Variants in HRH1 observed in about 807,000 individuals in gnomAD.
The protein encoded by HRH1 is histamine receptor H1.
HRH1 carries 6 observed loss-of-function variants against 10.3 expected under a neutral mutation model. The ratio of observed to expected loss-of-function variants is 0.58; its 90% confidence interval spans 0.32 to 1.15. The LOEUF (loss-of-function observed/expected upper bound fraction) is 1.15, where lower values mean the gene tolerates loss of function less well. HRH1 is among the 50% of genes most tolerant of loss of function. HRH1 has a pLI of 0.05. For synonymous variants in HRH1, 242 were observed against 236.7 expected, an observed-to-expected ratio of 1.02 and a Z score of -0.21; for missense variants, 514 against 615.3, an observed-to-expected ratio of 0.84 and a Z score of 1.74.
chr3:11,153,808 T>G (rs1936708407), upstream of HRH1, among the ~76,000 whole-genome samples: 1 of 152,018 alleles, frequency 6.6e-6, no homozygotes, highest in South Asian at 2.1e-4. Flanking sequence ...GGTTGCTAAT[T>G]AAAACACATC....
chr3:11,247,596 A>T lies in HRH1; in HGVS notation c.-35-11407A>T, dbSNP rs1939523461. Among the ~76,000 whole-genome samples, 4 of 152,188 alleles carry T rather than the reference A, an allele frequency of 2.6e-5. No homozygotes were observed. The South Asian group carries it at 8.3e-4, about 31-fold the overall frequency. ...TTGTCTGGACGTGGCAAAGGCGGGA[A>T]GGTTGTTTACCGAACAGGTAGCTAG... is the stretch of plus-strand genomic sequence containing the variant. On this transcript the variant is annotated intron_variant, in intron 1 of 1. Transcript: ENST00000431010.
Position 11,260,323 on chromosome 3 carries a change from T to C in HRH1, c.1286T>C (p.Ile429Thr), listed in dbSNP as rs980381714. Residue 429 changes from isoleucine to threonine, a missense_variant, in exon 2 of 2, where the codon ATC (isoleucine) becomes ACC (threonine). Physicochemically the swap from Ile to Thr is moderately conservative, Grantham distance 89 (BLOSUM62 -1). Coordinates refer to ENST00000431010, the MANE Select transcript of HRH1 (RefSeq NM_001098212.2). ...FIMAAFILCW[I>T]PYFIFFMVIA... ...ATGGCAGCCTTCATCCTCTGCTGGA[T>C]CCCTTATTTCATCTTCTTCATGGTC... is the stretch of plus-strand genomic sequence containing the variant. The C allele has an allele frequency of 1.2e-6, 2 of 1,614,042 alleles. No individual in the cohort carries two copies. The highest frequency in any genetic ancestry group is 2.7e-5 in the African/African-American group (2 of 74,932).
rs1290309423 is a variant in HRH1 at position 11,262,127 on chromosome 3, G to A, written c.*1626G>A. ...ACATGTAGTTTTACTTGGTGTTTAT[G>A]TTGCAATCTGGTTGTGATTTATATT... On this transcript the variant is annotated 3_prime_UTR_variant, in exon 2 of 2. Transcript: ENST00000431010. 2 of 167,102 alleles carry A rather than the reference G, an allele frequency of 1.2e-5. No individual in the cohort carries two copies. Among genetic ancestry groups the A allele is most frequent in the Non-Finnish European group, 2.9e-5 (2 of 68,126 alleles). The allele number at this position is 167,102 out of a possible 1,614,324, so 10.4% of individuals were successfully genotyped here.
At chr3:11,195,407 A>G (rs1937622711) in intron 1 of HRH1, among the ~76,000 whole-genome samples, 1 of 152,328 alleles carries the variant, frequency 6.6e-6, no homozygotes, top group South Asian at 2.1e-4. Flanking sequence ...TTGAAAGCCA[A>G]CTGTGCTTCC....
intron 1 of HRH1, among the ~76,000 whole-genome samples, chr3:11,228,933 A>T (rs866392497): frequency 1.3e-5 from 2 of 151,338 alleles, no homozygotes; most frequent in African/African-American, 4.9e-5. Flanking sequence ...AAAAAAGAAT[A>T]TAGTGGTAAA....
At chr3:11,227,230 C>G (rs1938912040) in intron 1 of HRH1, among the ~76,000 whole-genome samples, 1 of 151,766 alleles carries the variant, frequency 6.6e-6, no homozygotes. Context: ...TAGGTCTGAG[C>G]ATGGAACCGT....
At chr3:11,142,003 C>T (rs1936300961) in intron 1 of HRH1, among the ~76,000 whole-genome samples, 1 of 152,214 alleles carries the variant, frequency 6.6e-6, no homozygotes, top group Admixed American at 6.5e-5. Context: ...TTCAACAAGC[C>T]TTGTCTGAGC....
At chr3:11,197,721 C>T (rs1937718567) in intron 1 of HRH1, among the ~76,000 whole-genome samples, 1 of 152,184 alleles carries the variant, frequency 6.6e-6, no homozygotes. Flanking sequence ...AAAAGTATTA[C>T]AGTAAATGAT....
chr3:11,232,128 C>T (rs1939059464), intron 1 of HRH1, among the ~76,000 whole-genome samples: 2 of 151,940 alleles, frequency 1.3e-5, no homozygotes, highest in Admixed American at 6.6e-5. Context: ...GCTGGGAATA[C>T]AGGTGCGTGC....
intron 1 of HRH1, among the ~76,000 whole-genome samples, chr3:11,214,104 AC>A (rs574117249): frequency 4.9e-4 from 75 of 152,186 alleles, no homozygotes; most frequent in African/African-American, 1.7e-3. Flanking sequence ...ATGTTCAGGG[AC>A]AGGTCAGATA....
At chr3:11,234,430 C>T in intron 1 of HRH1, 7 of 1,604,468 alleles carry the variant, frequency 4.4e-6, no homozygotes, top group Non-Finnish European at 6.0e-6. Context: ...CACAGTCTGA[C>T]CCCTTGATCT....
chr3:11,247,222 C>T (rs1380916052), intron 1 of HRH1, among the ~76,000 whole-genome samples: 15 of 151,824 alleles, frequency 9.9e-5, no homozygotes, highest in African/African-American at 3.4e-4. Context: ...CTTGGGAGGC[C>T]GAGGCAGGAG....
At chr3:11,160,681 A>T (rs1408438937) in intron 1 of HRH1, among the ~76,000 whole-genome samples, 1 of 152,128 alleles carries the variant, frequency 6.6e-6, no homozygotes, top group Admixed American at 6.5e-5. Flanking sequence ...CCACCAAATC[A>T]CACTCAACTC....
intron 1 of HRH1, among the ~76,000 whole-genome samples, chr3:11,213,516 A>G (rs1445170843): frequency 1.3e-5 from 2 of 152,242 alleles, no homozygotes; most frequent in African/African-American, 4.8e-5. Flanking sequence ...AGAAAGTCCA[A>G]GATCAAGGTG....
intron 1 of HRH1, among the ~76,000 whole-genome samples, chr3:11,196,956 A>G (rs1937679705): frequency 1.2e-5 from 1 of 83,308 alleles, no homozygotes; most frequent in Non-Finnish European, 3.0e-5. Context: ...AAAAATACAA[A>G]AAAAAAAAAA....
chr3:11,250,582 T>G (rs571535878), intron 1 of HRH1, among the ~76,000 whole-genome samples: 113 of 152,088 alleles, frequency 7.4e-4, no homozygotes, highest in Middle Eastern at 3.4e-3. Context: ...ATGGGTGGAG[T>G]TTGTGCTAGG....
intron 1 of HRH1, among the ~76,000 whole-genome samples, chr3:11,168,522 A>G (rs1937091205): frequency 6.6e-6 from 1 of 152,226 alleles, no homozygotes; most frequent in Non-Finnish European, 1.5e-5. Flanking sequence ...AGGACTGAGC[A>G]TAAGGGACAT....
At chr3:11,186,107 C>T (rs971559187) in intron 1 of HRH1, among the ~76,000 whole-genome samples, 1 of 152,110 alleles carries the variant, frequency 6.6e-6, no homozygotes, top group African/African-American at 2.4e-5. Context: ...CAAGCAAGAT[C>T]GAGCCCTGTT....
intron 1 of HRH1, among the ~76,000 whole-genome samples, chr3:11,160,446 G>A (rs1039821793): frequency 6.6e-5 from 10 of 152,152 alleles, no homozygotes; most frequent in South Asian, 6.2e-4. Flanking sequence ...TCTCACTGTC[G>A]TTAGTTTAAT....
Sources: allele counts gnomAD v4.1 joint callset (sites outside exome capture counted in the v4.1 genomes callset), GRCh38; gene constraint gnomAD v4.1.1; transcripts MANE v1.5; gene names NCBI Gene and HGNC (gene_info 2026-07-23, HGNC 2026-07-21).